The following SLIT1 variants were observed in gnomAD, a reference collection of about 807,000 sequenced individuals.
SLIT1 encodes the protein slit guidance ligand 1, also known as slit homolog 1 protein.
SLIT1 carries 66 observed loss-of-function variants against 186.1 expected under a neutral mutation model. The observed-to-expected ratio is 0.35, with a 90% CI of 0.29 to 0.44. The LOEUF (loss-of-function observed/expected upper bound fraction) is 0.44, where lower values mean the gene tolerates loss of function less well. SLIT1 is among the 20% of genes least tolerant of loss of function. SLIT1 has a pLI of 1.00. For synonymous variants in SLIT1, 761 were observed against 833.8 expected (o/e 0.91, Z 1.50); for missense variants, 1,638 against 2,037.4 (o/e 0.80, Z 3.77).
intron 4 of SLIT1, chr10:97,103,253 T>C (rs1016603289): frequency 5.9e-5 from 9 of 152,432 alleles, no homozygotes; most frequent in African/African-American, 1.9e-4. Context: ...TTTCTGCTGC[T>C]GTAAGGTAAC....
At position 97,185,623 on chromosome 10, in the gene SLIT1, G is replaced by C. The variant is rs764336885; in HGVS notation, c.52C>G (p.Leu18Val). 4 of 1,554,364 alleles carry C rather than the reference G, an allele frequency of 2.6e-6. No homozygotes were observed. The highest frequency in any genetic ancestry group is 1.2e-5 in the South Asian group (1 of 85,744). ...GSSAGPVRPELWLLLWAAAWR... is the reference protein window; with the variant it reads ...GSSAGPVRPEVWLLLWAAAWR... ...GCGGCTGCCCACAGCAGCAGCCAGA[G>C]CTCCGGCCGGACCGGCCCCGCCGAG... The change falls in exon 1 of 37, where the codon CTC becomes GTC. Residue 18 changes from leucine to valine, a missense_variant. Physicochemically the swap from Leu to Val is conservative, Grantham distance 32. This residue lies in a region of SLIT1 where 1,245 missense variants were observed against 1,535.3 expected (regional missense o/e 0.81). Coordinates refer to ENST00000266058, the MANE Select transcript of SLIT1 (RefSeq NM_003061.3).
chr10:97,047,938 C>A (rs768669479), intron 15 of SLIT1, 35 bp downstream of exon 15: 2 of 1,613,892 alleles, frequency 1.2e-6, no homozygotes, highest in Non-Finnish European at 1.7e-6. Flanking sequence ...CCACCATTCC[C>A]GCCAGGCTGG....
chr10:97,002,724 G>T lies in SLIT1; in HGVS notation c.4134C>A (p.Asp1378Glu). Residue 1378 changes from aspartate to glutamate, a missense_variant, in exon 35 of 37, where the codon GAC (aspartate) becomes GAA (glutamate). Physicochemically the swap from Asp to Glu is conservative, Grantham distance 45. Around this residue, in one of 3 missense-constraint regions of SLIT1, gnomAD observed 220 missense variants for 211.3 expected, o/e 1.04. Coordinates refer to ENST00000266058, the MANE Select transcript of SLIT1 (RefSeq NM_003061.3). ...CTCACTTGTGGCCATGGCAGGGGCC[G>T]TCAGCGGGCTGGTCACAGTGCAGGC... Reference protein sequence around the residue: ...WVGLHCDQPADGPCHGHKCVH... With the variant: ...WVGLHCDQPAEGPCHGHKCVH... The T allele has an allele frequency of 6.3e-7, 1 of 1,586,164 alleles. No individual in the cohort carries two copies. The highest frequency in any genetic ancestry group is 8.6e-7 in the Non-Finnish European group (1 of 1,161,970).
intron 13 of SLIT1, among the ~76,000 whole-genome samples, chr10:97,049,489 C>T (rs181782290): frequency 2.6e-5 from 4 of 152,356 alleles, no homozygotes; most frequent in Admixed American, 2.6e-4. Flanking sequence ...GCACCCCTGG[C>T]CTTTCACAGG....
chr10:97,138,887 G>T (rs962192556), intron 4 of SLIT1, among the ~76,000 whole-genome samples: 4 of 152,206 alleles, frequency 2.6e-5, no homozygotes, highest in African/African-American at 4.8e-5. Flanking sequence ...GAGGGAAAAA[G>T]CCAGGCTGCC....
intron 4 of SLIT1, among the ~76,000 whole-genome samples, chr10:97,156,635 G>A (rs936499189): frequency 6.6e-6 from 1 of 152,086 alleles, no homozygotes; most frequent in African/African-American, 2.4e-5. Context: ...GAGATCACTG[G>A]GCTTACAGAG....
At chr10:97,084,719 C>T (rs1282755439) in intron 4 of SLIT1, among the ~76,000 whole-genome samples, 1 of 151,966 alleles carries the variant, frequency 6.6e-6, no homozygotes, top group South Asian at 2.1e-4. Context: ...AATTCTCATG[C>T]CTCAGCCTCC....
At position 97,176,102 on chromosome 10, in the gene SLIT1, C is replaced by T. The variant is rs201134382; in HGVS notation, c.197+9376G>A. ...CAAATTTAAAAACTAAACACAGGCA[C>T]GTCTCAGAGCCTCAAGACTCAGGGA... On this transcript the variant is annotated intron_variant, in intron 1 of 36. Coordinates refer to ENST00000266058, the MANE Select transcript of SLIT1 (RefSeq NM_003061.3). Among the ~76,000 whole-genome samples the T allele has an allele frequency of 1.7e-4, 26 of 152,270 alleles. No individual in the cohort carries two copies. The East Asian group carries it at 4.2e-3, about 25-fold the overall frequency.
At chr10:97,149,036 C>G (rs995953926) in intron 4 of SLIT1, among the ~76,000 whole-genome samples, 1 of 152,208 alleles carries the variant, frequency 6.6e-6, no homozygotes, top group Non-Finnish European at 1.5e-5. Context: ...ACCCACTGAC[C>G]GCTCGCCACC....
rs1564697802 is a variant in SLIT1 at position 97,184,535 on chromosome 10, A to G, written c.197+943T>C. Among the ~76,000 whole-genome samples, 1 of 152,054 alleles carries G rather than the reference A, an allele frequency of 6.6e-6. No individual in the cohort carries two copies. Among genetic ancestry groups the G allele is most frequent in the Non-Finnish European group, 1.5e-5 (1 of 68,004 alleles). ...CAGAAACACATTCTGCAGGAGAGTC[A>G]CAGAAAACAAAGTATAAAGGTCTGT... On this transcript the variant is annotated intron_variant, in intron 1 of 36. Coordinates refer to ENST00000266058, the MANE Select transcript of SLIT1 (RefSeq NM_003061.3). This position sits in a 1 kb window ranked among gnomAD's most constrained non-coding sequence, Gnocchi z 4.4.
At chr10:97,127,032 T>G (rs1349983656) in intron 4 of SLIT1, among the ~76,000 whole-genome samples, 1 of 152,150 alleles carries the variant, frequency 6.6e-6, no homozygotes, top group Non-Finnish European at 1.5e-5. Flanking sequence ...GGCTCATGCC[T>G]GTAATCCCAG....
At chr10:97,024,030 A>T (rs542858413) in intron 25 of SLIT1, among the ~76,000 whole-genome samples, 6 of 152,192 alleles carry the variant, frequency 3.9e-5, no homozygotes, top group Non-Finnish European at 5.9e-5. Flanking sequence ...GAGTTCTCTG[A>T]CTCAGCAAAT....
chr10:97,103,643 A>G (rs1342113664), intron 4 of SLIT1: 2 of 152,248 alleles, frequency 1.3e-5, no homozygotes. Flanking sequence ...CGATTTCTTC[A>G]AAGTGCAACG....
rs1564651509 is a variant in SLIT1, at chr10:97,004,405, G to C, written c.3711-183C>G. On this transcript the variant is annotated intron_variant, in intron 33 of 36. Coordinates refer to ENST00000266058, the MANE Select transcript of SLIT1 (RefSeq NM_003061.3). This position sits in a 1 kb window ranked among gnomAD's most constrained non-coding sequence, Gnocchi z 5.1. ...TTCACTCCCCTTCTTTGACTCCCTG[G>C]GGAAGGCTGAGAGGTTTGAGGCAGG... Among the ~76,000 whole-genome samples, 1 of 152,132 alleles carries C rather than the reference G, an allele frequency of 6.6e-6. No individual in the cohort carries two copies. Among genetic ancestry groups the C allele is most frequent in the Non-Finnish European group, 1.5e-5 (1 of 68,022 alleles).
At position 97,057,217 on chromosome 10, in the gene SLIT1, G is replaced by A; in HGVS notation, c.1150C>T (p.Gln384Ter). ...RGVFGGLYTLQLLLLNANKIN... is the reference protein window; with the variant it reads ...RGVFGGLYTL ...CCCAGGATTCGTTCTTACAGGAGCT[G>A]TAGGGTGTATAGGCCTCCAAACACA... Residue 384 changes from glutamine to a stop codon, truncating the protein, a stop_gained, in exon 12 of 37, where the codon CAG becomes TAG. Transcript: ENST00000266058. LOFTEE classifies it high-confidence loss of function. The A allele has an allele frequency of 6.2e-7, 1 of 1,613,548 alleles. No homozygotes were observed. The highest frequency in any genetic ancestry group is 8.5e-7 in the Non-Finnish European group (1 of 1,179,534).
rs150772662 is a variant in SLIT1, at chr10:97,089,366, CCT to C, written c.414-23282_414-23281del. Among the ~76,000 whole-genome samples, 411 of 152,258 alleles carry C rather than the reference CCT, an allele frequency of 2.7e-3. 5 individuals are homozygous for C. The highest frequency in any genetic ancestry group is 9.1e-3 in the African/African-American group (380 of 41,558). On this transcript the variant is annotated intron_variant, in intron 4 of 36. Coordinates refer to ENST00000266058, the MANE Select transcript of SLIT1 (RefSeq NM_003061.3). ...CAGCAGTGAGGGGTGGCAGTGAGTC[CCT>C]GTCGCACCTGACAGCCAGCTAAGGT...
At chr10:97,144,974 A>T (rs1252407192) in intron 4 of SLIT1, among the ~76,000 whole-genome samples, 1 of 152,140 alleles carries the variant, frequency 6.6e-6, no homozygotes, top group Non-Finnish European at 1.5e-5. Context: ...ACAGATAATC[A>T]GTACCCAGGA....
chr10:97,144,619 G>A (rs1173855925), intron 4 of SLIT1, among the ~76,000 whole-genome samples: 1 of 152,112 alleles, frequency 6.6e-6, no homozygotes, highest in African/African-American at 2.4e-5. Context: ...CTGAGGGCAG[G>A]CCCCGCTAAG....
chr10:97,055,721 C>A (rs547119125), intron 13 of SLIT1, among the ~76,000 whole-genome samples: 1 of 152,306 alleles, frequency 6.6e-6, no homozygotes, highest in East Asian at 1.9e-4. Flanking sequence ...AATATTACAA[C>A]AAATTACCAG....
Sources: gnomAD v4.1 joint callset for allele counts (sites outside exome capture counted in the v4.1 genomes callset) on GRCh38, gnomAD v4.1.1 for gene constraint, gnomAD v4.1.1 regional missense constraint, Gnocchi (gnomAD v3.1) non-coding constraint, MANE v1.5 for transcripts, NCBI Gene and HGNC (gene_info 2026-07-23, HGNC 2026-07-21) for gene names.